Variants in MIPOL1 observed in about 807,000 individuals in gnomAD.
MIPOL1 encodes mirror-image polydactyly 1, also known as mirror-image polydactyly gene 1 protein.
A neutral mutation model predicts 60.9 loss-of-function variants in MIPOL1; 57 were observed. The observed-to-expected ratio is 0.94, with a 90% confidence interval of 0.76 to 1.17. The LOEUF is 1.17. Among genes scored for constraint, MIPOL1 ranks in the 50% most tolerant of loss-of-function variants. The probability of loss-of-function intolerance (pLI) is 0.00; values close to 1 mark genes in which losing one functional copy is unlikely to be tolerated. For synonymous variants in MIPOL1, 179 were observed against 168.8 expected, an observed-to-expected ratio of 1.06 and a Z score of -0.47; for missense variants, 551 against 511.6, an observed-to-expected ratio of 1.08 and a Z score of -0.74.
At position 37,369,567 on chromosome 14, in the gene MIPOL1, T is replaced by G. The variant is rs2092582359; in HGVS notation, c.879T>G (p.Thr293=). 3.7e-6 allele frequency: 6 copies of G among 1,613,572 alleles called. No homozygotes were observed. Among genetic ancestry groups the G allele is most frequent in the Non-Finnish European group, 5.1e-6 (6 of 1,179,660 alleles). Residue 293 remains threonine (T), a synonymous_variant, in exon 10 of 13, where the codon ACT becomes ACG. Transcript: ENST00000684589. ...ATCATGTGAAAGAGCAGAACCAGAC[T>G]TCAGCAAACAACATGAGACATCTGA... ...ELHHVKEQNQ[T]SANNMRHLTA...
intron 9 of MIPOL1, among the ~76,000 whole-genome samples, chr14:37,363,132 G>T (rs1187622634): frequency 9.9e-5 from 15 of 152,060 alleles, no homozygotes; most frequent in Non-Finnish European, 2.1e-4. Flanking sequence ...AAGTCATTCT[G>T]CATCTAGCTT....
At chr14:37,519,081 T>C (rs917324091) in intron 12 of MIPOL1, among the ~76,000 whole-genome samples, 1 of 152,142 alleles carries the variant, frequency 6.6e-6, no homozygotes, top group African/African-American at 2.4e-5. Context: ...AATCAGTACC[T>C]TGTAACTTGC....
chr14:37,265,949 C>T (rs1331389979), intron 3 of MIPOL1, among the ~76,000 whole-genome samples: 1 of 152,048 alleles, frequency 6.6e-6, no homozygotes, highest in Non-Finnish European at 1.5e-5. Flanking sequence ...GAAATAGAGC[C>T]ATGTCACACA....
At chr14:37,230,792 G>A (rs901382643) in intron 1 of MIPOL1, among the ~76,000 whole-genome samples, 2 of 152,074 alleles carry the variant, frequency 1.3e-5, no homozygotes, top group African/African-American at 4.8e-5. Context: ...AGGTGGCGCT[G>A]TATACTAATG....
At chr14:37,274,770 C>T (rs149397097) in intron 6 of MIPOL1, among the ~76,000 whole-genome samples, 202 of 151,272 alleles carry the variant, frequency 1.3e-3, no homozygotes, top group African/African-American at 4.8e-3. Flanking sequence ...ATAATGTTTA[C>T]GAAGTGCTTA....
At chr14:37,499,098 C>A (rs990017270) in intron 11 of MIPOL1, among the ~76,000 whole-genome samples, 3 of 151,926 alleles carry the variant, frequency 2.0e-5, no homozygotes, top group African/African-American at 7.3e-5. Flanking sequence ...GTTTAAATTT[C>A]TCTTATTAAA....
chr14:37,219,250 G>A (rs377336215), intron 1 of MIPOL1, among the ~76,000 whole-genome samples: 5 of 152,214 alleles, frequency 3.3e-5, no homozygotes, highest in Admixed American at 2.0e-4. Flanking sequence ...CAGAATTCTT[G>A]CTAAAACTGG....
At chr14:37,432,633 T>C (rs1404090790) in intron 11 of MIPOL1, among the ~76,000 whole-genome samples, 1 of 152,114 alleles carries the variant, frequency 6.6e-6, no homozygotes, top group African/African-American at 2.4e-5. Context: ...CCTACAGTGT[T>C]CATATTTGAA....
chr14:37,515,185 A>G (rs1046613652), intron 12 of MIPOL1, among the ~76,000 whole-genome samples: 26 of 152,256 alleles, frequency 1.7e-4, no homozygotes, highest in African/African-American at 5.3e-4. Flanking sequence ...TTCCATAACA[A>G]TATTGAATAT....
chr14:37,233,158 G>T (rs1389275618), intron 1 of MIPOL1, among the ~76,000 whole-genome samples: 1 of 152,138 alleles, frequency 6.6e-6, no homozygotes, highest in Non-Finnish European at 1.5e-5. Flanking sequence ...ATTTGGGCTT[G>T]ATTCAGTAAT....
intron 12 of MIPOL1, among the ~76,000 whole-genome samples, chr14:37,535,704 G>A (rs978983897): frequency 6.6e-6 from 1 of 152,100 alleles, no homozygotes; most frequent in African/African-American, 2.4e-5. Context: ...ACACCTAAAA[G>A]GCTGTGTAGA....
rs562721119 is a variant in MIPOL1 at position 37,223,205 on chromosome 14, C to T, written c.-198-23898C>T. On this transcript the variant is annotated intron_variant, in intron 1 of 12. Transcript: ENST00000684589. ...GCGCCACCACACCTGGCTGGTTTTTCTATTTTTTGTAGACCTGGGGTTTTA... is the reference window on the plus strand; with the variant it reads ...GCGCCACCACACCTGGCTGGTTTTTTTATTTTTTGTAGACCTGGGGTTTTA... Among the ~76,000 whole-genome samples the T allele has an allele frequency of 2.6e-5, 4 of 151,430 alleles. No homozygotes were observed. The East Asian group carries it at 7.9e-4, about 30-fold the overall frequency.
At chr14:37,336,225 T>C (rs535392870) in intron 9 of MIPOL1, among the ~76,000 whole-genome samples, 2 of 151,534 alleles carry the variant, frequency 1.3e-5, no homozygotes, top group Non-Finnish European at 2.9e-5. Flanking sequence ...TGTCTATATA[T>C]GCACAGGTTT....
chr14:37,199,170 C>T (rs1964817141), intron 1 of MIPOL1, among the ~76,000 whole-genome samples: 1 of 151,664 alleles, frequency 6.6e-6, no homozygotes, highest in African/African-American at 2.4e-5. Flanking sequence ...CGTAAGTGTA[C>T]AGCTCGGTGA....
intron 11 of MIPOL1, among the ~76,000 whole-genome samples, chr14:37,426,417 A>G (rs1047715720): frequency 4.0e-5 from 6 of 151,090 alleles, no homozygotes; most frequent in Non-Finnish European, 7.4e-5. Context: ...AAAATACAAA[A>G]AATTAGCCAG....
intron 9 of MIPOL1, among the ~76,000 whole-genome samples, chr14:37,344,338 A>G (rs1229034291): frequency 1.3e-5 from 2 of 152,000 alleles, no homozygotes; most frequent in Non-Finnish European, 2.9e-5. Context: ...AATAAAATAA[A>G]GTCAGTTTTC....
In MIPOL1 at chr14:37,297,408, G is replaced by A. The variant is rs200416280; in HGVS notation, c.624-10648G>A. On this transcript the variant is annotated intron_variant, in intron 7 of 12. Transcript: ENST00000684589. ...GAAAACTGGCACAAGACAGGGATGC[G>A]CTCTCTCACCACTCCTATTCAACAT... Among the ~76,000 whole-genome samples the A allele has an allele frequency of 6.1e-3, 933 of 152,064 alleles. 7 individuals carry two copies. Among genetic ancestry groups the A allele is most frequent in the African/African-American group, 0.019 (799 of 41,482 alleles).
At chr14:37,198,575 T>C (rs1422388556) in intron 1 of MIPOL1, among the ~76,000 whole-genome samples, 1 of 151,502 alleles carries the variant, frequency 6.6e-6, no homozygotes, top group Non-Finnish European at 1.5e-5. Context: ...AAAGATACTG[T>C]TAGAATTTTT....
At chr14:37,537,468 A>G (rs2095511395) in intron 12 of MIPOL1, among the ~76,000 whole-genome samples, 1 of 152,114 alleles carries the variant, frequency 6.6e-6, no homozygotes, top group Admixed American at 6.6e-5. Context: ...GTAATGCCCA[A>G]TTCTAGGTAA....
Sources: gnomAD v4.1 joint callset for allele counts (sites outside exome capture counted in the v4.1 genomes callset) on GRCh38, gnomAD v4.1.1 for gene constraint, MANE v1.5 for transcripts, NCBI Gene and HGNC (gene_info 2026-07-23, HGNC 2026-07-21) for gene names.